DUS2: variants seen among roughly 807,000 people sequenced by gnomAD.
The protein encoded by DUS2 is tRNA-dihydrouridine(20) synthase [NAD(P)+]-like.
In DUS2, 52 loss-of-function variants were observed where a neutral mutation model predicts 71.3. The ratio of observed to expected loss-of-function variants is 0.73; its 90% confidence interval spans 0.58 to 0.92. DUS2 has a LOEUF of 0.92. Among genes scored for constraint, DUS2 ranks in the 40% least tolerant of loss-of-function variants. The pLI is 0.00. For missense variants in DUS2, 558 were observed against 622.6 expected (o/e 0.90, Z 1.10); for synonymous variants, 204 against 227.8 (o/e 0.90, Z 0.94).
At chr16:68,044,614 C>G (rs750437978) in intron 3 of DUS2, among the ~76,000 whole-genome samples, 1 of 151,756 alleles carries the variant, frequency 6.6e-6, no homozygotes, top group Non-Finnish European at 1.5e-5. Flanking sequence ...CCAGGCTGGT[C>G]TCGAACTCCT....
intron 3 of DUS2, among the ~76,000 whole-genome samples, chr16:68,038,810 A>G (rs1317951775): frequency 6.6e-6 from 1 of 151,614 alleles, no homozygotes; most frequent in Admixed American, 6.6e-5. Flanking sequence ...GTACTTTGGG[A>G]GGCCAAGGCA....
At chr16:68,035,964 G>T in intron 2 of DUS2, among the ~76,000 whole-genome samples, 2 of 127,566 alleles carry the variant, frequency 1.6e-5, no homozygotes, top group African/African-American at 6.6e-5. Context: ...ACACACATAT[G>T]TTATATATAT....
chr16:68,059,219 A>G (rs979492836), intron 7 of DUS2, among the ~76,000 whole-genome samples: 1 of 152,056 alleles, frequency 6.6e-6, no homozygotes, highest in African/African-American at 2.4e-5. Flanking sequence ...TATGAGAAAC[A>G]AAAGAAAAAA....
chr16:68,043,288 C>T (rs1300580281), intron 3 of DUS2, among the ~76,000 whole-genome samples: 1 of 152,138 alleles, frequency 6.6e-6, no homozygotes, highest in African/African-American at 2.4e-5. Flanking sequence ...CATCTGTAAT[C>T]CCAGCTACTG....
chr16:68,042,547 GAC>G (rs969019049), intron 3 of DUS2, among the ~76,000 whole-genome samples: 2 of 152,064 alleles, frequency 1.3e-5, no homozygotes, highest in African/African-American at 4.8e-5. Context: ...TTGTTTTTGA[GAC>G]AGAGTCTTAT....
At chr16:68,069,282 C>G (rs1407953280) in intron 10 of DUS2, among the ~76,000 whole-genome samples, 1 of 152,054 alleles carries the variant, frequency 6.6e-6, no homozygotes, top group Non-Finnish European at 1.5e-5. Flanking sequence ...TCCCAGCTAC[C>G]TGGGAGGCTG....
At position 68,070,944 on chromosome 16, in the gene DUS2, G is replaced by A; in HGVS notation, c.646G>A (p.Gly216Arg). The change falls in exon 12 of 17, where the codon GGA (glycine) becomes AGA (arginine). Residue 216 changes from glycine to arginine, a missense_variant. Physicochemically the swap from Gly to Arg is moderately radical, Grantham distance 125. Coordinates refer to ENST00000565263, the MANE Select transcript of DUS2 (RefSeq NM_017803.5). Reference sequence around the variant, plus strand: ...AACCCTCTGGTTGCTTTTTAGCGGAGGATCTCATGACCACATCCAACAGTA... The same window carrying A: ...AACCCTCTGGTTGCTTTTTAGCGGAAGATCTCATGACCACATCCAACAGTA... Reference protein sequence around the residue: ...TLSIPVIANGGSHDHIQQYSD... With the variant: ...TLSIPVIANGRSHDHIQQYSD... 1.2e-6 allele frequency: 2 copies of A among 1,614,038 alleles called. No individual in the cohort carries two copies. The highest frequency in any genetic ancestry group is 1.7e-6 in the Non-Finnish European group (2 of 1,179,912).
At chr16:68,063,684 C>T (rs532745965) in intron 8 of DUS2, among the ~76,000 whole-genome samples, 2 of 152,088 alleles carry the variant, frequency 1.3e-5, no homozygotes, top group Admixed American at 6.5e-5. Flanking sequence ...GATATATGCT[C>T]CCTGGATTAA....
chr16:68,074,193 G>A (rs377652698), intron 13 of DUS2, 38 bp downstream of exon 13: 42 of 1,611,328 alleles, frequency 2.6e-5, no homozygotes, highest in African/African-American at 9.4e-5. Context: ...GTCCTTGTAC[G>A]CATTGCCCAA....
intron 2 of DUS2, among the ~76,000 whole-genome samples, chr16:68,028,745 A>G (rs1304736884): frequency 6.6e-6 from 1 of 152,198 alleles, no homozygotes; most frequent in Non-Finnish European, 1.5e-5. Context: ...GTGGTACACC[A>G]TGGAATTCAC....
At chr16:68,045,331 C>A (rs1428369248) in intron 3 of DUS2, among the ~76,000 whole-genome samples, 1 of 151,744 alleles carries the variant, frequency 6.6e-6, no homozygotes, top group Non-Finnish European at 1.5e-5. Flanking sequence ...ATCGGCCCAG[C>A]GTGGTGGCTC....
intron 8 of DUS2, among the ~76,000 whole-genome samples, chr16:68,063,966 G>A (rs1386516363): frequency 6.6e-6 from 1 of 152,144 alleles, no homozygotes; most frequent in Admixed American, 6.5e-5. Flanking sequence ...CAGGTGATCT[G>A]GCCTCCAAAA....
rs1169434677 is a variant in DUS2 at position 68,078,927 on chromosome 16, T to A, written c.1423T>A (p.Cys475Ser). ...GGAGCTAGCACAACCTGGGGATCTG[T>A]GCAAGAAGCCCTTTGTGGCCTTGGG... The part of the protein sequence containing the change: ...AQELAQPGDL[C>S]KKPFVALGSG... Residue 475 changes from cysteine to serine, a missense_variant, in exon 17 of 17, where the codon TGC (cysteine) becomes AGC (serine). Coordinates refer to ENST00000565263, the MANE Select transcript of DUS2 (RefSeq NM_017803.5). 6.2e-7 allele frequency: 1 copy of A among 1,605,922 alleles called. No individual in the cohort carries two copies. The highest frequency in any genetic ancestry group is 1.3e-5 in the African/African-American group (1 of 74,698).
intron 3 of DUS2, among the ~76,000 whole-genome samples, chr16:68,040,591 G>A (rs1001112613): frequency 1.5e-4 from 23 of 152,166 alleles, no homozygotes; most frequent in African/African-American, 5.6e-4. Flanking sequence ...GAGAGAGTCA[G>A]TATAACTTAC....
chr16:68,070,795 A>G, intron 11 of DUS2, 145 bp from the exon 12 acceptor site: 1 of 754,960 alleles, frequency 1.3e-6, no homozygotes, highest in Non-Finnish European at 2.2e-6. Context: ...GGATTCTAAT[A>G]TCCACTTTAC....
At chr16:68,056,585 G>GACCATA (rs1222808823) in intron 7 of DUS2, among the ~76,000 whole-genome samples, 161 bp downstream of exon 7, 1 of 151,906 alleles carries the variant, frequency 6.6e-6, no homozygotes, top group African/African-American at 2.4e-5. Flanking sequence ...TTAGAATAGG[G>GACCATA]ACCATAGTAT....
chr16:68,078,603 G>A lies in DUS2; in HGVS notation c.1244+85G>A, dbSNP rs2034192504. 23 of 1,537,014 alleles carry A rather than the reference G, an allele frequency of 1.5e-5. No homozygotes were observed. In the South Asian group the frequency reaches 2.5e-4, roughly 16 times the overall value. ...CCACACATCCAGCATTGTCCTAGGAGGGTTGGGTAGATGGTATATGTGGGC... is the reference window on the plus strand; with the variant it reads ...CCACACATCCAGCATTGTCCTAGGAAGGTTGGGTAGATGGTATATGTGGGC... On this transcript the variant is annotated intron_variant, in intron 16 of 16. Transcript: ENST00000565263.
At chr16:68,056,275 T>C in intron 6 of DUS2, 89 bp from the exon 7 acceptor site, 2 of 1,134,184 alleles carry the variant, frequency 1.8e-6, no homozygotes, top group Admixed American at 1.8e-5. Flanking sequence ...GGTAAGAGGT[T>C]CATGAGCACA....
At chr16:68,074,395 G>A (rs2034129575) in intron 13 of DUS2, among the ~76,000 whole-genome samples, 1 of 152,206 alleles carries the variant, frequency 6.6e-6, no homozygotes, top group Admixed American at 6.5e-5. Context: ...ATAGAGGAAT[G>A]CAAAGGAAGG....
Sources: gnomAD v4.1 joint callset for allele counts (sites outside exome capture counted in the v4.1 genomes callset) on GRCh38, gnomAD v4.1.1 for gene constraint, MANE v1.5 for transcripts, NCBI Gene and HGNC (gene_info 2026-07-23, HGNC 2026-07-21) for gene names.